The following RAPGEF4 variants were observed in gnomAD, a reference collection of about 807,000 sequenced individuals.
The protein encoded by RAPGEF4 is Rap guanine nucleotide exchange factor 4.
Under a neutral mutation model 147.9 loss-of-function variants are expected in RAPGEF4, and 66 were observed. That is an observed-to-expected ratio of 0.45 (90% CI 0.37 to 0.55). The LOEUF (loss-of-function observed/expected upper bound fraction) is 0.55. RAPGEF4 is among the 20% of genes least tolerant of loss of function. The pLI is 0.00. For missense variants in RAPGEF4, 1,071 were observed against 1,257.3 expected (o/e 0.85, Z 2.24); for synonymous variants, 419 against 442.7 (o/e 0.95, Z 0.67).
intron 25 of RAPGEF4, among the ~76,000 whole-genome samples, chr2:173,029,856 C>T (rs933661133): frequency 3.9e-5 from 6 of 152,164 alleles, no homozygotes; most frequent in Non-Finnish European, 8.8e-5. Context: ...ATTTCCCTCT[C>T]GGTCCAACAA....
intron 15 of RAPGEF4, among the ~76,000 whole-genome samples, chr2:172,991,214 G>C (rs1390437285): frequency 2.0e-5 from 3 of 152,198 alleles, no homozygotes; most frequent in African/African-American, 2.4e-5. Flanking sequence ...CAGAAGGCGT[G>C]TGAGAGAACA....
Position 172,965,344 on chromosome 2 carries a change from C to G in RAPGEF4, c.699-218C>G, listed in dbSNP as rs1488221758. On this transcript the variant is annotated intron_variant, in intron 8 of 30. Coordinates refer to ENST00000397081, the MANE Select transcript of RAPGEF4 (RefSeq NM_007023.4). ...AGTTGTAATGCTTTCATTTAACCAG[C>G]CTTGCTTTAAAGTTCTCTCATGAGC... The G allele has an allele frequency of 1.0e-5, 6 of 593,672 alleles. No individual in the cohort carries two copies. In the African/African-American group the frequency reaches 1.1e-4, roughly 11 times the overall value. The allele number at this position is 593,672 out of a possible 1,614,324, so 36.8% of individuals were successfully genotyped here.
intron 4 of RAPGEF4, among the ~76,000 whole-genome samples, chr2:172,871,651 G>T (rs1575095178): frequency 6.8e-6 from 1 of 147,756 alleles, no homozygotes; most frequent in Non-Finnish European, 1.5e-5. Flanking sequence ...TGCACTGAAG[G>T]TAATTCTAAA....
At chr2:172,811,746 A>T (rs1287258578) in intron 3 of RAPGEF4, among the ~76,000 whole-genome samples, 1 of 152,196 alleles carries the variant, frequency 6.6e-6, no homozygotes, top group Non-Finnish European at 1.5e-5. Flanking sequence ...CTTCTTCTAC[A>T]TCCACTCATA....
At chr2:172,870,847 T>C (rs1695164827) in intron 4 of RAPGEF4, among the ~76,000 whole-genome samples, 1 of 152,222 alleles carries the variant, frequency 6.6e-6, no homozygotes, top group Non-Finnish European at 1.5e-5. Context: ...AGACTATGGA[T>C]TTTGCTAGGA....
intron 27 of RAPGEF4, among the ~76,000 whole-genome samples, chr2:173,035,291 G>A (rs760381111): frequency 6.6e-6 from 1 of 151,884 alleles, no homozygotes; most frequent in Non-Finnish European, 1.5e-5. Flanking sequence ...GGCAGATCAC[G>A]AGGTCAGGAG....
intron 4 of RAPGEF4, among the ~76,000 whole-genome samples, chr2:172,841,761 C>G (rs943107242): frequency 6.6e-6 from 1 of 150,856 alleles, no homozygotes; most frequent in African/African-American, 2.4e-5. Context: ...ATTCCCCAAA[C>G]AGACATCCAA....
chr2:172,925,074 G>T (rs545382594), intron 6 of RAPGEF4, among the ~76,000 whole-genome samples: 1 of 152,172 alleles, frequency 6.6e-6, no homozygotes, highest in Non-Finnish European at 1.5e-5. Context: ...TCCGCCTCCC[G>T]GCTCACGCCA....
chr2:172,798,527 G>A (rs1357215313), intron 3 of RAPGEF4, among the ~76,000 whole-genome samples: 2 of 151,996 alleles, frequency 1.3e-5, no homozygotes, highest in African/African-American at 4.8e-5. Context: ...AAAACTGAAG[G>A]AAGAGAATCA....
chr2:173,015,023 T>A (rs935509497), intron 18 of RAPGEF4, among the ~76,000 whole-genome samples: 1 of 152,214 alleles, frequency 6.6e-6, no homozygotes, highest in Non-Finnish European at 1.5e-5. Flanking sequence ...ATGTCACAGA[T>A]ATATTTATGT....
intron 10 of RAPGEF4, among the ~76,000 whole-genome samples, chr2:172,974,286 G>T (rs1690823663): frequency 6.6e-6 from 1 of 152,182 alleles, no homozygotes; most frequent in South Asian, 2.1e-4. Flanking sequence ...TCTTTACTGT[G>T]CACTACCATA....
chr2:172,973,163 A>G (rs1367373770), intron 10 of RAPGEF4, among the ~76,000 whole-genome samples: 1 of 137,928 alleles, frequency 7.3e-6, no homozygotes, highest in East Asian at 2.1e-4. Context: ...CCCAGGCTGG[A>G]GTGCAGTGGG....
intron 10 of RAPGEF4, among the ~76,000 whole-genome samples, chr2:172,973,107 C>CTTTTTTTTT (rs58806286): frequency 1.4e-4 from 19 of 132,578 alleles, no homozygotes; most frequent in East Asian, 4.4e-4. Context: ...CTTTTTTTTT[C>CTTTTTTTTT]TTTTTTTTTT....
At chr2:172,893,009 T>A (rs2149912881) in intron 4 of RAPGEF4, among the ~76,000 whole-genome samples, 1 of 152,322 alleles carries the variant, frequency 6.6e-6, no homozygotes, top group Non-Finnish European at 1.5e-5. Context: ...TTCCCTTATA[T>A]TTATGGCATC....
intron 5 of RAPGEF4, among the ~76,000 whole-genome samples, chr2:172,919,839 G>A (rs888338136): frequency 2.0e-5 from 3 of 151,996 alleles, no homozygotes; most frequent in Non-Finnish European, 4.4e-5. Flanking sequence ...CTCTTGTGCT[G>A]GGCTCCAAAC....
At chr2:172,809,000 A>G (rs1211161951) in intron 3 of RAPGEF4, among the ~76,000 whole-genome samples, 1 of 152,204 alleles carries the variant, frequency 6.6e-6, no homozygotes, top group East Asian at 1.9e-4. Flanking sequence ...TGGACCCTGC[A>G]TATCCCACTG....
At chr2:172,847,914 T>C (rs1692380530) in intron 4 of RAPGEF4, among the ~76,000 whole-genome samples, 1 of 152,168 alleles carries the variant, frequency 6.6e-6, no homozygotes, top group Non-Finnish European at 1.5e-5. Flanking sequence ...ATGGATGTGG[T>C]CCATCATACA....
intron 4 of RAPGEF4, among the ~76,000 whole-genome samples, chr2:172,870,330 G>C (rs1481845078): frequency 6.6e-6 from 1 of 152,028 alleles, no homozygotes; most frequent in East Asian, 1.9e-4. Context: ...TCTATTCTAT[G>C]ATATATATCT....
intron 3 of RAPGEF4, among the ~76,000 whole-genome samples, chr2:172,799,925 G>A (rs1686803205): frequency 6.6e-6 from 1 of 152,132 alleles, no homozygotes; most frequent in East Asian, 1.9e-4. Flanking sequence ...GGGGTTTCGG[G>A]AATATTGCCC....
Sources: gnomAD v4.1 joint callset for allele counts (sites outside exome capture counted in the v4.1 genomes callset) on GRCh38, gnomAD v4.1.1 for gene constraint, MANE v1.5 for transcripts, NCBI Gene and HGNC (gene_info 2026-07-23, HGNC 2026-07-21) for gene names.